Variants in PDE10A observed in about 807,000 individuals in gnomAD.
PDE10A encodes the protein phosphodiesterase 10A, also known as cAMP and cAMP-inhibited cGMP 3',5'-cyclic phosphodiesterase 10A.
A neutral mutation model predicts 97.7 loss-of-function variants in PDE10A; 39 were observed. The ratio of observed to expected loss-of-function variants is 0.40; its 90% CI spans 0.31 to 0.52. PDE10A has a LOEUF of 0.52. Ranked by LOEUF, PDE10A falls within the 20% of genes least tolerant of loss-of-function variation. The pLI, the probability that PDE10A is intolerant of heterozygous loss-of-function variation, is 0.56. For missense variants in PDE10A, 731 were observed against 1,047.8 expected (o/e 0.70, Z 4.17); for synonymous variants, 371 against 376.8 (o/e 0.98, Z 0.18).
At chr6:165,953,848 T>C (rs1040141114) in intron 1 of PDE10A, among the ~76,000 whole-genome samples, 1 of 152,366 alleles carries the variant, frequency 6.6e-6, no homozygotes, top group East Asian at 1.9e-4. Context: ...CATAGTGACC[T>C]GTATCCACCA....
At chr6:165,943,879 CA>C (rs1158329048) in intron 1 of PDE10A, among the ~76,000 whole-genome samples, 2 of 152,218 alleles carry the variant, frequency 1.3e-5, no homozygotes, top group African/African-American at 4.8e-5. Flanking sequence ...CAGTTCAAAA[CA>C]ACATGAGCTA....
intron 1 of PDE10A, among the ~76,000 whole-genome samples, chr6:165,648,106 G>A (rs552504517): frequency 1.2e-4 from 18 of 152,194 alleles, no homozygotes; most frequent in Admixed American, 7.2e-4. Flanking sequence ...TCCACCTCTC[G>A]GGTTCACGCC....
intron 1 of PDE10A, among the ~76,000 whole-genome samples, chr6:165,907,048 A>T (rs1248918566): frequency 6.6e-6 from 1 of 152,148 alleles, no homozygotes; most frequent in Non-Finnish European, 1.5e-5. Flanking sequence ...CCAGGCAATC[A>T]CAGAGCAGGG....
chr6:165,575,891 A>G (rs1174743496), intron 1 of PDE10A, among the ~76,000 whole-genome samples: 1 of 150,788 alleles, frequency 6.6e-6, no homozygotes. Flanking sequence ...GAGACTGGAT[A>G]TCATTCTTTG....
chr6:165,934,432 C>T (rs1229981562), intron 1 of PDE10A, among the ~76,000 whole-genome samples: 1 of 151,942 alleles, frequency 6.6e-6, no homozygotes, highest in Non-Finnish European at 1.5e-5. Flanking sequence ...TGGCTTCATC[C>T]TTCAACTTGT....
intron 2 of PDE10A, among the ~76,000 whole-genome samples, chr6:165,492,657 C>A (rs1229827461): frequency 6.6e-6 from 1 of 152,060 alleles, no homozygotes; most frequent in Admixed American, 6.5e-5. Context: ...ATGATTAAAA[C>A]CCTCAGCAAA....
At position 165,711,756 on chromosome 6, in the gene PDE10A, G is replaced by A. The variant is rs149871822; in HGVS notation, c.-614-168188C>T. Among the ~76,000 whole-genome samples the A allele has an allele frequency of 1.5e-3, 224 of 152,286 alleles. 1 individual carries two copies. Among genetic ancestry groups the A allele is most frequent in the African/African-American group, 5.1e-3 (214 of 41,560 alleles). On this transcript the variant is annotated intron_variant, in intron 1 of 19. Transcript: ENST00000366882. The surrounding 1 kb of genome is among the most constrained non-coding windows in gnomAD (Gnocchi z 4.5). The stretch of plus-strand genomic sequence containing the variant: ...ACCCAGGAACTGTGCTAATTCACTC[G>A]TCAGACCAGCGAACCTCAAATGCAT...
chr6:165,748,272 C>T (rs1792889213), intron 1 of PDE10A, among the ~76,000 whole-genome samples: 1 of 152,104 alleles, frequency 6.6e-6, no homozygotes, highest in Non-Finnish European at 1.5e-5. Flanking sequence ...ACTTGGAGTG[C>T]AGAAGAAGTG....
At chr6:165,369,747 G>A (rs577041989) in intron 18 of PDE10A, among the ~76,000 whole-genome samples, 11 of 141,782 alleles carry the variant, frequency 7.8e-5, no homozygotes, top group Admixed American at 3.6e-4. Context: ...GATACTCCTC[G>A]AGAAGAGCAA....
At chr6:165,565,158 T>TA (rs1784713135) in intron 1 of PDE10A, among the ~76,000 whole-genome samples, 1 of 152,122 alleles carries the variant, frequency 6.6e-6, no homozygotes, top group Non-Finnish European at 1.5e-5. Context: ...AAGGAAGAAA[T>TA]AAAACTGTTC....
chr6:165,615,221 AAAGAAAGAAAG>A, intron 1 of PDE10A, among the ~76,000 whole-genome samples: 1 of 119,150 alleles, frequency 8.4e-6, no homozygotes, highest in Non-Finnish European at 2.0e-5. Flanking sequence ...GAAAAAAAAA[AAAGAAAGAAAG>A]AAAGAAAGAA....
At chr6:165,684,762 A>C (rs952242247) in intron 1 of PDE10A, among the ~76,000 whole-genome samples, 3 of 152,270 alleles carry the variant, frequency 2.0e-5, no homozygotes, top group Admixed American at 6.5e-5. Flanking sequence ...ACTTTTAACA[A>C]AACATATTTT....
At chr6:165,890,052 TCAC>T (rs1231646022) in intron 1 of PDE10A, among the ~76,000 whole-genome samples, 1 of 116,456 alleles carries the variant, frequency 8.6e-6, no homozygotes, top group African/African-American at 3.3e-5. Context: ...CCCTCACTCT[TCAC>T]TCCTCCCTCC....
At chr6:165,729,555 C>T (rs575881707) in intron 1 of PDE10A, among the ~76,000 whole-genome samples, 5 of 152,274 alleles carry the variant, frequency 3.3e-5, no homozygotes, top group East Asian at 1.9e-4. Flanking sequence ...TGGGTGACCC[C>T]GGGCCCCAAC....
At chr6:165,438,860 A>T (rs371474506) in intron 5 of PDE10A, among the ~76,000 whole-genome samples, 12 of 151,062 alleles carry the variant, frequency 7.9e-5, no homozygotes, top group African/African-American at 2.9e-4. Flanking sequence ...CAGGAGGCCG[A>T]GGTGGGAGGA....
At chr6:165,916,528 G>A (rs931016135) in intron 1 of PDE10A, among the ~76,000 whole-genome samples, 4 of 152,140 alleles carry the variant, frequency 2.6e-5, no homozygotes, top group African/African-American at 4.8e-5. Flanking sequence ...TGTGTCTTAC[G>A]GGACAACACT....
intron 5 of PDE10A, among the ~76,000 whole-genome samples, chr6:165,447,335 C>A (rs913570873): frequency 1.3e-5 from 2 of 152,150 alleles, no homozygotes; most frequent in Non-Finnish European, 2.9e-5. Flanking sequence ...TTCAGGTGAA[C>A]GGCTAGAATT....
chr6:165,562,713 C>A (rs1298035003), intron 1 of PDE10A, among the ~76,000 whole-genome samples: 1 of 152,146 alleles, frequency 6.6e-6, no homozygotes, highest in Non-Finnish European at 1.5e-5. Flanking sequence ...ATCAACTAGG[C>A]CTAAAGATCC....
At chr6:165,810,799 C>G (rs1245115650) in intron 1 of PDE10A, among the ~76,000 whole-genome samples, 1 of 152,096 alleles carries the variant, frequency 6.6e-6, no homozygotes, top group Non-Finnish European at 1.5e-5. Flanking sequence ...ACCCTGTGGA[C>G]TCTAATTACT....
Sources: allele counts gnomAD v4.1 joint callset (sites outside exome capture counted in the v4.1 genomes callset), GRCh38; gene constraint gnomAD v4.1.1; non-coding constraint Gnocchi (gnomAD v3.1); transcripts MANE v1.5; gene names NCBI Gene and HGNC (gene_info 2026-07-23, HGNC 2026-07-21).